The following COL19A1 variants were observed in gnomAD, a reference collection of about 807,000 sequenced individuals.
COL19A1 encodes collagen alpha-1(XIX) chain.
In COL19A1, 159 loss-of-function variants were observed where a neutral mutation model predicts 190.2. That is an observed-to-expected ratio of 0.84 (90% CI 0.73 to 0.95). The LOEUF is 0.95. Ranked by LOEUF, COL19A1 falls within the 40% of genes least tolerant of loss-of-function variation. The probability of loss-of-function intolerance (pLI) is 0.00; values close to 1 mark genes in which losing one functional copy is unlikely to be tolerated. For missense variants in COL19A1, 1,418 were observed against 1,431.9 expected, an observed-to-expected ratio of 0.99 and a Z score of 0.16; for synonymous variants, 509 against 458.9, an observed-to-expected ratio of 1.11 and a Z score of -1.39.
At chr6:69,909,895 A>G (rs1405190980) in intron 4 of COL19A1, among the ~76,000 whole-genome samples, 1 of 152,128 alleles carries the variant, frequency 6.6e-6, no homozygotes, top group Non-Finnish European at 1.5e-5. Context: ...CATTGCTCAC[A>G]TCAGAACTCC....
intron 16 of COL19A1, among the ~76,000 whole-genome samples, chr6:70,108,613 A>G (rs967920082): frequency 6.6e-6 from 1 of 152,280 alleles, no homozygotes; most frequent in East Asian, 1.9e-4. Context: ...TTTAAATATA[A>G]GTGCTATTTC....
At chr6:70,059,340 G>T (rs12199349) in intron 14 of COL19A1, among the ~76,000 whole-genome samples, 1 of 151,898 alleles carries the variant, frequency 6.6e-6, no homozygotes, top group South Asian at 2.1e-4. Flanking sequence ...AGCTGTAAAT[G>T]TATCTTGCCT....
At chr6:70,132,741 A>T (rs566641532) in intron 18 of COL19A1, among the ~76,000 whole-genome samples, 1 of 152,208 alleles carries the variant, frequency 6.6e-6, no homozygotes, top group Admixed American at 6.5e-5. Context: ...AGTGTTTCAG[A>T]TGACTCTAAT....
chr6:70,207,796 A>G lies in COL19A1; in HGVS notation c.*522A>G, dbSNP rs1421130809. On this transcript the variant is annotated 3_prime_UTR_variant, in exon 51 of 51. Transcript: ENST00000620364. ...TTTATAACTTAAGAATTTTTATACC[A>G]TCTACATCTATCCTACTTATGCAGA... 1 of 152,124 alleles carries G rather than the reference A, an allele frequency of 6.6e-6. No homozygotes were observed. Among genetic ancestry groups the G allele is most frequent in the East Asian group, 1.9e-4 (1 of 5,190 alleles). 9.4% of individuals were successfully genotyped at this position (152,124 alleles called of 1,614,324 possible).
chr6:70,036,004 A>G, intron 14 of COL19A1, 65 bp downstream of exon 14: 7 of 1,451,400 alleles, frequency 4.8e-6, no homozygotes, highest in Non-Finnish European at 6.8e-6. Flanking sequence ...TCCATATTAC[A>G]TCATGACTAA....
At chr6:70,167,170 T>C (rs1222020010) in intron 37 of COL19A1, among the ~76,000 whole-genome samples, 2 of 152,214 alleles carry the variant, frequency 1.3e-5, no homozygotes, top group African/African-American at 4.8e-5. Flanking sequence ...CCATCACTAG[T>C]GTTTGGAAGA....
At chr6:69,940,315 C>A (rs1773391195) in intron 9 of COL19A1, among the ~76,000 whole-genome samples, 1 of 151,978 alleles carries the variant, frequency 6.6e-6, no homozygotes, top group African/African-American at 2.4e-5. Flanking sequence ...ATTTATTGAG[C>A]TCCTGCTATT....
intron 17 of COL19A1, among the ~76,000 whole-genome samples, chr6:70,127,611 G>A (rs538293642): frequency 1.4e-4 from 22 of 152,164 alleles, no homozygotes; most frequent in Non-Finnish European, 2.6e-4. Context: ...AAAGGAAAAC[G>A]TTTCATGGAC....
chr6:70,113,339 C>G (rs1369054868), intron 16 of COL19A1, among the ~76,000 whole-genome samples: 2 of 152,208 alleles, frequency 1.3e-5, no homozygotes, highest in Non-Finnish European at 2.9e-5. Flanking sequence ...CAGACTCCTG[C>G]AATGCTAATA....
intron 1 of COL19A1, among the ~76,000 whole-genome samples, chr6:69,871,371 A>G (rs1177107074): frequency 6.6e-6 from 1 of 152,256 alleles, no homozygotes; most frequent in Non-Finnish European, 1.5e-5. Flanking sequence ...ACGTATGTAT[A>G]GGCATACTGG....
rs200717532 is a variant in COL19A1, at chr6:69,938,044, G to T, written c.880G>T (p.Ala294Ser). 2 of 1,612,478 alleles carry T rather than the reference G, an allele frequency of 1.2e-6. No homozygotes were observed. The highest frequency in any genetic ancestry group is 2.7e-5 in the African/African-American group (2 of 74,776). ...QCQCIPNKGEAGLPGAPGSPG... is the reference protein window; with the variant it reads ...QCQCIPNKGESGLPGAPGSPG... Reference sequence around the variant, plus strand: ...GATATGCATTTTTGCTCAGGGAGAAGCAGGATTACCAGGAGCTCCGGGTTC... The same window carrying T: ...GATATGCATTTTTGCTCAGGGAGAATCAGGATTACCAGGAGCTCCGGGTTC... The change falls in exon 9 of 51, where the codon GCA becomes TCA. Residue 294 changes from alanine (A) to serine (S), a missense_variant. Coordinates refer to ENST00000620364, the MANE Select transcript of COL19A1 (RefSeq NM_001858.6).
chr6:69,986,221 T>TTATATATATATATATATATA, intron 11 of COL19A1, among the ~76,000 whole-genome samples: 1 of 138,282 alleles, frequency 7.2e-6, no homozygotes, highest in South Asian at 2.3e-4. Flanking sequence ...CTTACACGTT[T>TTATATATATATATATATATA]TATATATATA....
rs146988472 is a variant in COL19A1, at chr6:69,880,853, C to T, written c.91+1195C>T. Among the ~76,000 whole-genome samples, 847 of 152,170 alleles carry T rather than the reference C, an allele frequency of 5.6e-3. 10 individuals are homozygous for T. The highest frequency in any genetic ancestry group is 0.017 in the African/African-American group (703 of 41,520). The stretch of plus-strand genomic sequence containing the variant: ...TAGAGCAGCGGAGTTTATTCTGATA[C>T]GATTTCTACTCTTCTGAATTTGTCT... On this transcript the variant is annotated intron_variant, in intron 2 of 50. Transcript: ENST00000620364.
chr6:69,893,516 C>T (rs911695874), intron 2 of COL19A1, among the ~76,000 whole-genome samples: 6 of 152,086 alleles, frequency 3.9e-5, no homozygotes, highest in Non-Finnish European at 8.8e-5. Context: ...GGAGTCATGC[C>T]CTACAAACCA....
rs573354403 is a variant in COL19A1, at chr6:69,886,109, T to C, written c.91+6451T>C. ...TCTCATGGTTAATATACAAAATTTA[T>C]AACGTATTTTTAAAACTCAATATCA... On this transcript the variant is annotated intron_variant, in intron 2 of 50. Coordinates refer to ENST00000620364, the MANE Select transcript of COL19A1 (RefSeq NM_001858.6). Among the ~76,000 whole-genome samples the C allele has an allele frequency of 4.0e-4, 61 of 152,214 alleles. 1 individual carries two copies. Among genetic ancestry groups the C allele is most frequent in the Non-Finnish European group, 7.4e-4 (50 of 68,024 alleles).
intron 11 of COL19A1, among the ~76,000 whole-genome samples, chr6:69,978,022 A>T (rs970691809): frequency 6.6e-6 from 1 of 152,114 alleles, no homozygotes; most frequent in Non-Finnish European, 1.5e-5. Context: ...TTGCTCCTCA[A>T]ATTGTCACAA....
At position 70,207,364 on chromosome 6, in the gene COL19A1, CTTT is replaced by C. The variant is rs36112821; in HGVS notation, c.*111_*113del. 3,138 of 176,938 alleles carry C rather than the reference CTTT, an allele frequency of 0.018. No individual in the cohort carries two copies. Among genetic ancestry groups the C allele is most frequent in the East Asian group, 0.042 (282 of 6,654 alleles). 11.0% of individuals were successfully genotyped at this position (176,938 alleles called of 1,614,324 possible). ...TCAAACCCTCATCATCTGTGGGTTG[CTTT>C]TTTTTTTTTTTTTTTTTTTTGGGAG... On this transcript the variant is annotated 3_prime_UTR_variant, in exon 51 of 51. Transcript: ENST00000620364.
intron 16 of COL19A1, among the ~76,000 whole-genome samples, chr6:70,113,403 AG>A (rs1480833764): frequency 2.0e-5 from 3 of 152,174 alleles, no homozygotes; most frequent in Non-Finnish European, 4.4e-5. Flanking sequence ...TCTTAAGTGA[AG>A]GATATTTCAT....
chr6:70,133,257 T>C (rs1386490055), intron 18 of COL19A1, among the ~76,000 whole-genome samples: 3 of 152,064 alleles, frequency 2.0e-5, no homozygotes, highest in Admixed American at 6.5e-5. Context: ...ACCAGCAAAA[T>C]AGAATTACTA....
Sources: allele counts gnomAD v4.1 joint callset (sites outside exome capture counted in the v4.1 genomes callset), GRCh38; gene constraint gnomAD v4.1.1; transcripts MANE v1.5; gene names NCBI Gene and HGNC (gene_info 2026-07-23, HGNC 2026-07-21).